LGR6: variants seen among roughly 807,000 people sequenced by gnomAD.
LGR6 encodes the protein leucine-rich repeat-containing G protein-coupled receptor 6.
In LGR6, 45 loss-of-function variants were observed where a neutral mutation model predicts 69.4. The observed-to-expected ratio is 0.65, with a 90% CI of 0.51 to 0.83. LGR6 has a LOEUF of 0.83. LGR6 is among the 40% of genes least tolerant of loss of function. The probability of loss-of-function intolerance (pLI) is 0.00; values close to 1 mark genes in which losing one functional copy is unlikely to be tolerated. For synonymous variants in LGR6, 538 were observed against 555.0 expected (o/e 0.97, Z 0.43); for missense variants, 1,108 against 1,246.7 (o/e 0.89, Z 1.68).
intron 4 of LGR6, among the ~76,000 whole-genome samples, chr1:202,246,596 A>G (rs1662725705): frequency 6.6e-6 from 1 of 151,740 alleles, no homozygotes; most frequent in African/African-American, 2.4e-5. Context: ...GGAATATTAG[A>G]TACACCAAGA....
chr1:202,307,464 A>T, intron 14 of LGR6, 63 bp downstream of exon 14: 1 of 1,488,130 alleles, frequency 6.7e-7, no homozygotes, highest in Non-Finnish European at 9.4e-7. Context: ...GGGCTGGCCA[A>T]TGGAGGCAGA....
In LGR6 at chr1:202,280,787, G is replaced by A; in HGVS notation, c.651G>A (p.Leu217=). The part of the protein sequence containing the change: ...QNLTSLVVLH[L]HNNRIQHLGT... Reference sequence around the variant, plus strand: ...GTCTTTCCTTCCCGTGCAGGCATTTGCATAACAACCGCATCCAGCATCTGG... The same window carrying A: ...GTCTTTCCTTCCCGTGCAGGCATTTACATAACAACCGCATCCAGCATCTGG... Residue 217 remains leucine (L), a synonymous_variant, in exon 6 of 18, where the codon TTG becomes TTA. Transcript: ENST00000367278. 2.5e-6 allele frequency: 4 copies of A among 1,614,200 alleles called. No individual in the cohort carries two copies. Among genetic ancestry groups the A allele is most frequent in the Non-Finnish European group, 3.4e-6 (4 of 1,180,028 alleles).
chr1:202,205,365 TCC>T lies in LGR6; in HGVS notation c.212+11165_212+11166del, dbSNP rs1491282618. Among the ~76,000 whole-genome samples, 3 of 520 alleles carry T rather than the reference TCC, an allele frequency of 5.8e-3. 1 individual carries two copies. The highest frequency in any genetic ancestry group is 0.011 in the Non-Finnish European group (2 of 178). The allele number at this position is 520 out of a possible 152,430, so 0.3% of individuals were successfully genotyped here. A position where few individuals can be genotyped will look rare whatever the true frequency, so the allele number is the denominator to read the frequency against. ...CACCTCCTTCAAACACACACACACC[TCC>T]AAACACACACACCTCACACACCTCC... is the stretch of plus-strand genomic sequence containing the variant. On this transcript the variant is annotated intron_variant, in intron 1 of 17. Transcript: ENST00000367278.
At position 202,240,819 on chromosome 1, in the gene LGR6, A is replaced by G. The variant is rs142992601; in HGVS notation, c.428+4826A>G. 2.0e-5 allele frequency among the ~76,000 whole-genome samples: 3 copies of G among 152,322 alleles called. No individual in the cohort carries two copies. In the East Asian group the frequency reaches 5.8e-4, roughly 29 times the overall value. ...TTTTTGGACTTCCCTGTGTGCCAGC[A>G]GGGACCCATCATTCCATACCTCTGA... is the stretch of plus-strand genomic sequence containing the variant. On this transcript the variant is annotated intron_variant, in intron 4 of 17. Transcript: ENST00000367278.
chr1:202,257,762 CCTA>C (rs1249426922), intron 4 of LGR6, among the ~76,000 whole-genome samples: 1 of 152,038 alleles, frequency 6.6e-6, no homozygotes, highest in African/African-American at 2.4e-5. Flanking sequence ...GGTGAGTCTT[CCTA>C]CTTTGTTATT....
chr1:202,296,576 GA>G (rs1667176235), intron 6 of LGR6, among the ~76,000 whole-genome samples: 1 of 152,088 alleles, frequency 6.6e-6, no homozygotes, highest in Non-Finnish European at 1.5e-5. Context: ...CTTTTCTGAT[GA>G]AAATAAAAGT....
At chr1:202,296,155 AG>A (rs1379819213) in intron 6 of LGR6, among the ~76,000 whole-genome samples, 2 of 152,128 alleles carry the variant, frequency 1.3e-5, no homozygotes, top group African/African-American at 2.4e-5. Context: ...GAAGGTTGTC[AG>A]GGCAGGGGTG....
chr1:202,314,760 A>G (rs1654012376), intron 16 of LGR6, 42 bp from the exon 17 acceptor site: 3 of 1,458,644 alleles, frequency 2.1e-6, no homozygotes, highest in African/African-American at 2.8e-5. Context: ...CTTGACTGAC[A>G]CCAAGACCCA....
chr1:202,270,620 A>T (rs1665019438), intron 4 of LGR6, among the ~76,000 whole-genome samples: 1 of 152,160 alleles, frequency 6.6e-6, no homozygotes, highest in Non-Finnish European at 1.5e-5. Context: ...GGCTCCTCAT[A>T]TGAGACGAGT....
intron 2 of LGR6, among the ~76,000 whole-genome samples, chr1:202,226,676 A>C (rs1186247436): frequency 6.6e-6 from 1 of 152,186 alleles, no homozygotes; most frequent in Non-Finnish European, 1.5e-5. Context: ...TGCCACCCCC[A>C]GGGAATGTCC....
chr1:202,217,388 C>T (rs531095169), intron 1 of LGR6, among the ~76,000 whole-genome samples: 1 of 152,310 alleles, frequency 6.6e-6, no homozygotes, highest in Admixed American at 6.5e-5. Flanking sequence ...CGATGAAACA[C>T]CACGATGCAG....
intron 1 of LGR6, among the ~76,000 whole-genome samples, chr1:202,215,321 A>T (rs1659704623): frequency 2.6e-5 from 4 of 152,184 alleles, no homozygotes; most frequent in Admixed American, 2.6e-4. Context: ...AGCTCCACCC[A>T]GTTCCTCTTC....
intron 2 of LGR6, among the ~76,000 whole-genome samples, chr1:202,226,333 C>T (rs765575004): frequency 6.6e-6 from 1 of 152,200 alleles, no homozygotes; most frequent in African/African-American, 2.4e-5. Flanking sequence ...TTTGCTTAAA[C>T]TTCTCAAACT....
intron 11 of LGR6, 21 bp downstream of exon 11, chr1:202,304,651 T>C: frequency 6.3e-7 from 1 of 1,594,476 alleles, no homozygotes; most frequent in Non-Finnish European, 8.6e-7. Flanking sequence ...ACAAGAATTC[T>C]ACAGTCTTGG....
intron 13 of LGR6, 151 bp downstream of exon 13, chr1:202,307,090 C>T (rs1262496040): frequency 2.6e-6 from 2 of 763,374 alleles, no homozygotes; most frequent in African/African-American, 3.4e-5. Context: ...AGCACACACA[C>T]ACACTTCTCT....
intron 4 of LGR6, among the ~76,000 whole-genome samples, chr1:202,247,484 G>C (rs1662815031): frequency 6.6e-6 from 1 of 152,184 alleles, no homozygotes; most frequent in African/African-American, 2.4e-5. Flanking sequence ...TCTGCAGAAA[G>C]TCTCCAACCC....
At chr1:202,253,430 G>T (rs1193752952) in intron 4 of LGR6, among the ~76,000 whole-genome samples, 2 of 151,112 alleles carry the variant, frequency 1.3e-5, no homozygotes, top group African/African-American at 4.9e-5. Flanking sequence ...AGCCTCCCAA[G>T]TAGCTGGGAT....
Position 202,318,963 on chromosome 1 carries a change from G to T in LGR6, c.2660G>T (p.Arg887Leu). Residue 887 changes from arginine to leucine, a missense_variant, in exon 18 of 18, where the codon CGG becomes CTG. By Grantham distance (102) the Arg-to-Leu change is moderately radical. Coordinates refer to ENST00000367278, the MANE Select transcript of LGR6 (RefSeq NM_001017403.2). ...DLILEASEAG[R>L]PPGLETYGFP... ...ATTCTGGAAGCTTCTGAAGCTGGGC[G>T]GCCCCCTGGGCTGGAGACCTATGGC... 1 of 1,613,638 alleles carries T rather than the reference G, an allele frequency of 6.2e-7. No homozygotes were observed. Among genetic ancestry groups the T allele is most frequent in the Non-Finnish European group, 8.5e-7 (1 of 1,179,764 alleles).
chr1:202,227,234 G>A lies in LGR6; in HGVS notation c.285-702G>A, dbSNP rs115264508. Among the ~76,000 whole-genome samples, 735 of 152,270 alleles carry A rather than the reference G, an allele frequency of 4.8e-3. 8 individuals carry two copies. The highest frequency in any genetic ancestry group is 0.017 in the African/African-American group (686 of 41,534). ...TCCACATCTACAAGCCTCTTGGTAGGAACTGATGCACAAAATAATGTCCCT... is the reference window on the plus strand; with the variant it reads ...TCCACATCTACAAGCCTCTTGGTAGAAACTGATGCACAAAATAATGTCCCT... On this transcript the variant is annotated intron_variant, in intron 2 of 17. Transcript: ENST00000367278.
Sources: gnomAD v4.1 joint callset for allele counts (sites outside exome capture counted in the v4.1 genomes callset) on GRCh38, gnomAD v4.1.1 for gene constraint, MANE v1.5 for transcripts, NCBI Gene and HGNC (gene_info 2026-07-23, HGNC 2026-07-21) for gene names.